Variants in WDR17 observed in about 807,000 individuals in gnomAD.
The protein encoded by WDR17 is WD repeat domain 17.
WDR17 carries 143 observed loss-of-function variants against 161.7 expected under a neutral mutation model. The ratio of observed to expected loss-of-function variants is 0.88; its 90% confidence interval spans 0.77 to 1.02. WDR17 has a LOEUF of 1.02. WDR17 is among the 50% of genes least tolerant of loss of function. The pLI is 0.00. For missense variants in WDR17, 1,469 were observed against 1,520.9 expected (o/e 0.97, Z 0.57); for synonymous variants, 517 against 515.6 (o/e 1.00, Z -0.04).
intron 28 of WDR17, 115 bp from the exon 29 acceptor site, chr4:176,179,345 A>T (rs1216986275): frequency 1.7e-6 from 2 of 1,170,140 alleles, no homozygotes; most frequent in African/African-American, 3.2e-5. Context: ...TTTTTTTATT[A>T]GCTTTGCCTA....
intron 1 of WDR17, among the ~76,000 whole-genome samples, chr4:176,093,457 G>T (rs564924387): frequency 2.6e-5 from 4 of 151,990 alleles, no homozygotes; most frequent in African/African-American, 9.7e-5. Context: ...TAAGTTTTCC[G>T]ACAATGAAAA....
intron 1 of WDR17, among the ~76,000 whole-genome samples, chr4:176,086,497 T>C (rs1735436148): frequency 6.6e-6 from 1 of 151,932 alleles, no homozygotes; most frequent in Non-Finnish European, 1.5e-5. Flanking sequence ...GCAACCAGTT[T>C]TAGGATTATT....
At chr4:176,067,078 G>A (rs1732625050) in intron 1 of WDR17, among the ~76,000 whole-genome samples, 1 of 152,198 alleles carries the variant, frequency 6.6e-6, no homozygotes. Context: ...AGGAGCTGAT[G>A]CTGGGCGGGT....
chr4:176,152,040 A>G, intron 17 of WDR17, 73 bp downstream of exon 17: 2 of 1,469,056 alleles, frequency 1.4e-6, no homozygotes, highest in Non-Finnish European at 1.8e-6. Context: ...CTCAATTTTA[A>G]GTATTAAAAA....
At position 176,149,932 on chromosome 4, in the gene WDR17, T is replaced by C; in HGVS notation, c.2023T>C (p.Trp675Arg). Residue 675 changes from tryptophan to arginine, a missense_variant, in exon 14 of 29, where the codon TGG (tryptophan) becomes CGG (arginine). Physicochemically the swap from Trp to Arg is moderately radical, Grantham distance 101. Transcript: ENST00000508596. ...VQINILADRS[W>R]EEIIGNTDYA... The stretch of plus-strand genomic sequence containing the variant: ...AATAAATATTCTGGCAGACAGATCT[T>C]GGGAAGAAATTATTGGGAACACTGG... 6.2e-7 allele frequency: 1 copy of C among 1,613,032 alleles called. No individual in the cohort carries two copies. The highest frequency in any genetic ancestry group is 8.5e-7 in the Non-Finnish European group (1 of 1,179,850).
chr4:176,147,194 G>A (rs1746324185), intron 12 of WDR17, among the ~76,000 whole-genome samples: 2 of 152,028 alleles, frequency 1.3e-5, no homozygotes, highest in African/African-American at 4.8e-5. Context: ...AGCAGAAAGG[G>A]ATATGCCTTA....
chr4:176,174,067 G>A (rs186435951), intron 25 of WDR17, among the ~76,000 whole-genome samples: 8 of 152,008 alleles, frequency 5.3e-5, no homozygotes, highest in African/African-American at 1.7e-4. Flanking sequence ...AAAATTGCTG[G>A]AAAGTACAAA....
At chr4:176,073,957 T>A (rs895970610) in intron 1 of WDR17, among the ~76,000 whole-genome samples, 4 of 150,408 alleles carry the variant, frequency 2.7e-5, no homozygotes, top group African/African-American at 9.7e-5. Context: ...GGGTTGTTTT[T>A]TTCTTGTAAA....
intron 18 of WDR17, among the ~76,000 whole-genome samples, chr4:176,157,720 T>C (rs537564987): frequency 1.8e-4 from 28 of 152,280 alleles, no homozygotes; most frequent in Non-Finnish European, 1.0e-4. Context: ...ATATTTTGTA[T>C]TCTATGTGAT....
intron 2 of WDR17, among the ~76,000 whole-genome samples, chr4:176,115,334 A>G (rs893496769): frequency 6.6e-6 from 1 of 152,002 alleles, no homozygotes; most frequent in African/African-American, 2.4e-5. Flanking sequence ...AAATAAAAAG[A>G]GTGAATGACA....
At chr4:176,130,711 C>T (rs187063355) in intron 6 of WDR17, among the ~76,000 whole-genome samples, 1 of 148,560 alleles carries the variant, frequency 6.7e-6, no homozygotes, top group African/African-American at 2.5e-5. Context: ...TGCCACAGCA[C>T]TCCAGCCCGG....
chr4:176,146,304 G>A lies in WDR17; in HGVS notation c.1694+145G>A. ...GCTGGAATGCAGTGGCGTGATCGTG[G>A]TTTACTGCAATCTCCACCTCCCAGG... is the stretch of plus-strand genomic sequence containing the variant. On this transcript the variant is annotated intron_variant, in intron 12 of 28. Transcript: ENST00000508596. 3 of 780,764 alleles carry A rather than the reference G, an allele frequency of 3.8e-6. No individual in the cohort carries two copies. In the South Asian group the frequency reaches 1.1e-4, roughly 29 times the overall value. 48.4% of individuals were successfully genotyped at this position (780,764 alleles called of 1,614,324 possible). A position where few individuals can be genotyped will look rare whatever the true frequency, so the allele number is the denominator to read the frequency against.
chr4:176,141,422 A>G (rs555000177), intron 10 of WDR17, among the ~76,000 whole-genome samples: 4 of 152,232 alleles, frequency 2.6e-5, no homozygotes, highest in East Asian at 3.9e-4. Context: ...GTTTTCCTCA[A>G]TTTAAAAAAA....
At chr4:176,172,997 C>T (rs1289539969) in intron 24 of WDR17, among the ~76,000 whole-genome samples, 1 of 152,140 alleles carries the variant, frequency 6.6e-6, no homozygotes, top group Admixed American at 6.5e-5. Context: ...AGAGAACGAA[C>T]ATCCAAACTA....
At chr4:176,126,128 T>C (rs1389624452) in intron 5 of WDR17, among the ~76,000 whole-genome samples, 1 of 152,206 alleles carries the variant, frequency 6.6e-6, no homozygotes, top group Non-Finnish European at 1.5e-5. Context: ...CAATGTTGCA[T>C]TGGGGATAAA....
intron 7 of WDR17, among the ~76,000 whole-genome samples, chr4:176,134,398 C>G (rs1257105141): frequency 6.6e-6 from 1 of 151,758 alleles, no homozygotes; most frequent in Non-Finnish European, 1.5e-5. Flanking sequence ...TTATGTTGGA[C>G]TCTTAACGGA....
At chr4:176,072,386 T>A (rs1464800056) in intron 1 of WDR17, among the ~76,000 whole-genome samples, 1 of 152,230 alleles carries the variant, frequency 6.6e-6, no homozygotes, top group East Asian at 1.9e-4. Context: ...ACTCCAAGGT[T>A]CTCATTTGTT....
intron 8 of WDR17, among the ~76,000 whole-genome samples, chr4:176,135,691 T>C (rs1322184393): frequency 6.6e-6 from 1 of 151,624 alleles, no homozygotes; most frequent in Non-Finnish European, 1.5e-5. Flanking sequence ...ACTCCACCTT[T>C]GAAGTATTGA....
At chr4:176,169,676 T>G (rs1042428823) in intron 23 of WDR17, among the ~76,000 whole-genome samples, 2 of 152,232 alleles carry the variant, frequency 1.3e-5, no homozygotes, top group Non-Finnish European at 2.9e-5. Context: ...AGTATCCCTA[T>G]TCATTAAGCA....
Sources: gnomAD v4.1 joint callset for allele counts (sites outside exome capture counted in the v4.1 genomes callset) on GRCh38, gnomAD v4.1.1 for gene constraint, MANE v1.5 for transcripts, NCBI Gene and HGNC (gene_info 2026-07-23, HGNC 2026-07-21) for gene names.